Variants in WNT9B observed in about 807,000 individuals in gnomAD.
WNT9B encodes the protein Wnt family member 9B.
WNT9B carries 12 observed loss-of-function variants against 30.2 expected under a neutral mutation model. That is an observed-to-expected ratio of 0.40 (90% confidence interval 0.26 to 0.64). The LOEUF (loss-of-function observed/expected upper bound fraction) is 0.64, where lower values mean the gene tolerates loss of function less well. Among genes scored for constraint, WNT9B ranks in the 30% least tolerant of loss-of-function variants. The pLI is 0.42. For missense variants in WNT9B, 442 were observed against 485.2 expected (o/e 0.91, Z 0.84); for synonymous variants, 218 against 216.9 (o/e 1.01, Z -0.05).
intron 1 of WNT9B, among the ~76,000 whole-genome samples, chr17:46,870,105 G>C (rs2085213734): frequency 6.6e-6 from 1 of 152,180 alleles, no homozygotes; most frequent in Admixed American, 6.5e-5. Flanking sequence ...GGCAGGTCTT[G>C]AAGGATATGC....
rs1555698056 is a variant in WNT9B at position 46,879,254 on chromosome 17, T to TC, written c.*2541dup. On this transcript the variant is annotated 3_prime_UTR_variant, in exon 4 of 4. Transcript: ENST00000290015. The stretch of plus-strand genomic sequence containing the variant: ...GGAGATACAGCCTGACCTGACCGGG[T>TC]CCCCCACTGAGCAGGAGGCCGGGTC... 6.6e-6 allele frequency among the ~76,000 whole-genome samples: 1 copy of TC among 152,022 alleles called. No homozygotes were observed. Among genetic ancestry groups the TC allele is most frequent in the Non-Finnish European group, 1.5e-5 (1 of 67,996 alleles).
chr17:46,846,479 A>G (rs927342465), intron 1 of WNT9B, among the ~76,000 whole-genome samples: 2 of 152,242 alleles, frequency 1.3e-5, no homozygotes, highest in Non-Finnish European at 2.9e-5. Flanking sequence ...ACTCAAGGAC[A>G]GTGTATATCA....
At chr17:46,873,124 A>G (rs2085282808) in intron 2 of WNT9B, among the ~76,000 whole-genome samples, 1 of 141,752 alleles carries the variant, frequency 7.1e-6, no homozygotes, top group Admixed American at 7.0e-5. Context: ...ACACACACAC[A>G]CACACACACG....
intron 1 of WNT9B, among the ~76,000 whole-genome samples, chr17:46,838,341 C>A (rs550729215): frequency 2.7e-4 from 41 of 149,606 alleles, no homozygotes; most frequent in African/African-American, 9.8e-4. Context: ...AAAAAAAAAT[C>A]ACAGGCCAGG....
chr17:46,866,613 T>G (rs927868464), intron 1 of WNT9B, among the ~76,000 whole-genome samples: 1 of 150,914 alleles, frequency 6.6e-6, no homozygotes, highest in African/African-American at 2.4e-5. Context: ...TCTGATGGGG[T>G]TTTTCAGGGT....
rs759216625 is a variant in WNT9B, at chr17:46,851,647, C to T, written c.9C>T (p.Pro3=). MR[P]PPALALAGLC... The stretch of plus-strand genomic sequence containing the variant: ...GCAGCGCCGCCAGCACCATGCGCCC[C>T]CCGCCCGCGCTGGCCCTGGCCGGGC... Residue 3 remains proline (P), a synonymous_variant, in exon 1 of 4, where the codon CCC becomes CCT. Transcript: ENST00000290015. The surrounding 1 kb of genome is among the most constrained non-coding windows in gnomAD (Gnocchi z 4.3). 8 of 1,281,240 alleles carry T rather than the reference C, an allele frequency of 6.2e-6. No individual in the cohort carries two copies. The East Asian group carries it at 1.9e-4, about 31-fold the overall frequency. The allele number at this position is 1,281,240 out of a possible 1,614,324, so 79.4% of individuals were successfully genotyped here.
upstream of WNT9B, among the ~76,000 whole-genome samples, chr17:46,847,385 C>T (rs537941166): frequency 6.6e-6 from 1 of 152,336 alleles, no homozygotes; most frequent in African/African-American, 2.4e-5. Flanking sequence ...ATAATGGGGA[C>T]AATCATGGCC....
chr17:46,873,135 A>C (rs909183022), intron 2 of WNT9B, among the ~76,000 whole-genome samples: 27 of 147,288 alleles, frequency 1.8e-4, no homozygotes, highest in Non-Finnish European at 2.1e-4. Flanking sequence ...CACACACACG[A>C]AACAAGGCAC....
At chr17:46,840,173 G>A (rs1282362656) in intron 1 of WNT9B, among the ~76,000 whole-genome samples, 2 of 147,826 alleles carry the variant, frequency 1.4e-5, no homozygotes, top group African/African-American at 2.5e-5. Flanking sequence ...TGCAAGCTCC[G>A]CCTCCTGGAT....
intron 1 of WNT9B, among the ~76,000 whole-genome samples, chr17:46,860,026 G>A (rs9895603): frequency 0.025 from 3,739 of 152,278 alleles, 156 homozygotes; most frequent in African/African-American, 0.086. Context: ...TGGAGGGAAG[G>A]AAAGGTAAAA....
chr17:46,878,843 G>T lies in WNT9B; in HGVS notation c.*2125G>T, dbSNP rs1414736586. On this transcript the variant is annotated 3_prime_UTR_variant, in exon 4 of 4. Coordinates refer to ENST00000290015, the MANE Select transcript of WNT9B (RefSeq NM_003396.3). Reference sequence around the variant, plus strand: ...CAGGCTCTAAGGCATCTAGGCAGTGGCTGGCTGCTAACATGGACACCCCAA... The same window carrying T: ...CAGGCTCTAAGGCATCTAGGCAGTGTCTGGCTGCTAACATGGACACCCCAA... 6.6e-6 allele frequency among the ~76,000 whole-genome samples: 1 copy of T among 152,254 alleles called. No individual in the cohort carries two copies. The highest frequency in any genetic ancestry group is 1.5e-5 in the Non-Finnish European group (1 of 68,044).
At chr17:46,870,904 C>CTTTTTTTTTTTTTTTTTTTTTT (rs144277402) in intron 1 of WNT9B, among the ~76,000 whole-genome samples, 2 of 78,388 alleles carry the variant, frequency 2.6e-5, no homozygotes, top group African/African-American at 1.0e-4. Flanking sequence ...TCCACCTTTG[C>CTTTTTTTTTTTTTTTTTTTTTT]TTTTTTTTTT....
chr17:46,876,754 G>C lies in WNT9B; in HGVS notation c.*36G>C. 6.6e-7 allele frequency: 1 copy of C among 1,507,118 alleles called. No individual in the cohort carries two copies. 93.4% of individuals were successfully genotyped at this position (1,507,118 alleles called of 1,614,324 possible). On this transcript the variant is annotated 3_prime_UTR_variant, in exon 4 of 4. Coordinates refer to ENST00000290015, the MANE Select transcript of WNT9B (RefSeq NM_003396.3). ...CAGCAAGCCAGTCTGGCACTGCCAG[G>C]ACCTCCTGTGGCACCCTTCAAGCTG...
chr17:46,852,255 T>A (rs1304555241), intron 1 of WNT9B, among the ~76,000 whole-genome samples: 4 of 150,160 alleles, frequency 2.7e-5, no homozygotes, highest in Admixed American at 6.7e-5. Flanking sequence ...CCAGGGAGAA[T>A]GGGGGAAACC....
chr17:46,876,649 G>A lies in WNT9B; in HGVS notation c.1005G>A (p.Val335=), dbSNP rs1194679903. Residue 335 remains valine, a synonymous_variant, in exon 4 of 4, where the codon GTG becomes GTA. Coordinates refer to ENST00000290015, the MANE Select transcript of WNT9B (RefSeq NM_003396.3). ...TGGCCTTCTCCTGCCACTGCCAGGT[G>A]CAGTGGTGCTGCTACGTGGAGTGCC... The part of the protein sequence containing the change: ...RLVAFSCHCQ[V]QWCCYVECQQ... The A allele has an allele frequency of 2.5e-6, 4 of 1,607,470 alleles. No individual in the cohort carries two copies. In the South Asian group the frequency reaches 4.4e-5, roughly 18 times the overall value.
chr17:46,884,074 C>G (rs1046733149), downstream of WNT9B, among the ~76,000 whole-genome samples: 1 of 152,108 alleles, frequency 6.6e-6, no homozygotes, highest in Non-Finnish European at 1.5e-5. Flanking sequence ...CCTGACCCAG[C>G]GTCCGAATTC....
upstream of WNT9B, among the ~76,000 whole-genome samples, chr17:46,850,560 G>A (rs1196857057): frequency 2.0e-5 from 3 of 152,172 alleles, no homozygotes; most frequent in African/African-American, 7.2e-5. Flanking sequence ...TTTACATGCA[G>A]ATCTTGACAT....
At chr17:46,857,079 G>A (rs78002785) in intron 1 of WNT9B, among the ~76,000 whole-genome samples, 3,743 of 152,198 alleles carry the variant, frequency 0.025, 155 homozygotes, top group African/African-American at 0.086. Context: ...CATCCATGTC[G>A]TTGAATATAG....
chr17:46,869,399 C>T (rs1598858106), intron 1 of WNT9B, among the ~76,000 whole-genome samples: 1 of 152,196 alleles, frequency 6.6e-6, no homozygotes, highest in South Asian at 2.1e-4. Context: ...GGGTCTCTTC[C>T]CCTGGGCATC....
Sources: gnomAD v4.1 joint callset for allele counts (sites outside exome capture counted in the v4.1 genomes callset) on GRCh38, gnomAD v4.1.1 for gene constraint, Gnocchi (gnomAD v3.1) non-coding constraint, MANE v1.5 for transcripts, NCBI Gene and HGNC (gene_info 2026-07-23, HGNC 2026-07-21) for gene names.